The following DHX35 variants were observed in gnomAD, a reference collection of about 807,000 sequenced individuals.
The protein encoded by DHX35 is probable ATP-dependent RNA helicase DHX35.
DHX35 carries 84 observed loss-of-function variants against 99.6 expected under a neutral mutation model. The ratio of observed to expected loss-of-function variants is 0.84; its 90% CI spans 0.71 to 1.01. DHX35 has a LOEUF of 1.01. Among genes scored for constraint, DHX35 ranks in the 50% least tolerant of loss-of-function variants. The pLI is 0.00. For synonymous variants in DHX35, 331 were observed against 316.2 expected (o/e 1.05, Z -0.50); for missense variants, 852 against 888.5 (o/e 0.96, Z 0.52).
chr20:38,975,949 G>A (rs1007656541), intron 3 of DHX35, among the ~76,000 whole-genome samples: 1 of 152,164 alleles, frequency 6.6e-6, no homozygotes, highest in Non-Finnish European at 1.5e-5. Flanking sequence ...GGGATGGGTG[G>A]CAGGTATTTG....
At chr20:39,012,755 G>A (rs1390355753) in intron 13 of DHX35, among the ~76,000 whole-genome samples, 1 of 152,078 alleles carries the variant, frequency 6.6e-6, no homozygotes, top group East Asian at 1.9e-4. Context: ...GGTCTTGAAC[G>A]CCTGACCTCA....
intron 5 of DHX35, 39 bp downstream of exon 5, chr20:38,988,956 A>G: frequency 1.2e-6 from 2 of 1,601,248 alleles, no homozygotes; most frequent in East Asian, 2.3e-5. Flanking sequence ...GGAAATAAGG[A>G]AGAAGGTTAT....
At chr20:38,978,105 T>C (rs1196576686) in intron 3 of DHX35, 1 of 767,018 alleles carries the variant, frequency 1.3e-6, no homozygotes. Context: ...GCACTGGCCC[T>C]GAGCCACACT....
At chr20:39,020,058 GAC>G (rs1289594670) in intron 15 of DHX35, among the ~76,000 whole-genome samples, 12 of 152,174 alleles carry the variant, frequency 7.9e-5, no homozygotes, top group African/African-American at 2.7e-4. Flanking sequence ...TGTCATGAAT[GAC>G]AGTGTTCTCT....
intron 12 of DHX35, among the ~76,000 whole-genome samples, chr20:39,008,872 G>A (rs1397725748): frequency 6.6e-6 from 1 of 152,120 alleles, no homozygotes; most frequent in African/African-American, 2.4e-5. Context: ...AGCTTCCCTG[G>A]AGGCCTTCTT....
Position 38,994,395 on chromosome 20 carries a change from C to CT in DHX35, c.583-416dup, listed in dbSNP as rs1053236441. Among the ~76,000 whole-genome samples, 438 of 144,964 alleles carry CT rather than the reference C, an allele frequency of 3.0e-3. 1 individual carries two copies. Among genetic ancestry groups the CT allele is most frequent in the African/African-American group, 7.9e-3 (312 of 39,604 alleles). ...GAGTAACTGTTAATATCTTTTATCTCTTTTTTTTTTGCCATATTTCTGTCT... is the reference window on the plus strand; with the variant it reads ...GAGTAACTGTTAATATCTTTTATCTCTTTTTTTTTTTGCCATATTTCTGTCT... On this transcript the variant is annotated intron_variant, in intron 7 of 21. Transcript: ENST00000252011.
In DHX35 at chr20:39,022,678, A is replaced by T. The variant is rs540570945; in HGVS notation, c.1593+743A>T. On this transcript the variant is annotated intron_variant, in intron 16 of 21. Transcript: ENST00000252011. ...AAGAAGTCAGGTGCCAGGGTATAGCAGGCTGATTCTGGGCACCACACGACA... is the reference window on the plus strand; with the variant it reads ...AAGAAGTCAGGTGCCAGGGTATAGCTGGCTGATTCTGGGCACCACACGACA... Among the ~76,000 whole-genome samples the T allele has an allele frequency of 2.2e-4, 33 of 152,350 alleles. No homozygotes were observed. The South Asian group carries it at 5.8e-3, about 27-fold the overall frequency.
chr20:39,024,455 AG>A (rs1313556507), intron 17 of DHX35, among the ~76,000 whole-genome samples: 2 of 152,334 alleles, frequency 1.3e-5, no homozygotes, highest in East Asian at 3.9e-4. Context: ...CAGTGATTTG[AG>A]GAAGATTATT....
chr20:38,985,716 GT>G (rs1462147695), intron 4 of DHX35, among the ~76,000 whole-genome samples: 1 of 152,148 alleles, frequency 6.6e-6, no homozygotes, highest in Non-Finnish European at 1.5e-5. Context: ...CCTGTTTGTG[GT>G]TTGGAATCCC....
At chr20:39,038,418 G>C in intron 21 of DHX35, 81 bp from the exon 22 acceptor site, 2 of 1,441,494 alleles carry the variant, frequency 1.4e-6, no homozygotes, top group South Asian at 1.2e-5. Context: ...ATTTGATGTG[G>C]TCATTCATAT....
Position 38,962,355 on chromosome 20 carries a change from C to G in DHX35, c.-13C>G. On this transcript the variant is annotated 5_prime_UTR_variant, in exon 1 of 22. Coordinates refer to ENST00000252011, the MANE Select transcript of DHX35 (RefSeq NM_021931.4). ...GGTGGGGTGGAGCTAGCCTCGTGAC[C>G]TTTTACCCCAACATGGCTGCGCCCG... The G allele has an allele frequency of 6.2e-7, 1 of 1,611,834 alleles. No individual in the cohort carries two copies. Among genetic ancestry groups the G allele is most frequent in the Non-Finnish European group, 8.5e-7 (1 of 1,178,928 alleles).
intron 14 of DHX35, among the ~76,000 whole-genome samples, chr20:39,015,292 G>A (rs767417402): frequency 6.6e-5 from 10 of 152,210 alleles, no homozygotes; most frequent in African/African-American, 2.4e-4. Flanking sequence ...CTTAAAAATC[G>A]TGGCTCAGTA....
At chr20:39,020,246 G>C (rs548813605) in intron 15 of DHX35, among the ~76,000 whole-genome samples, 2 of 152,300 alleles carry the variant, frequency 1.3e-5, no homozygotes, top group South Asian at 2.1e-4. Flanking sequence ...ACCAGTTTCA[G>C]TTCCTTTGCA....
At chr20:39,035,528 C>T (rs897657037) in intron 21 of DHX35, among the ~76,000 whole-genome samples, 1 of 152,156 alleles carries the variant, frequency 6.6e-6, no homozygotes, top group African/African-American at 2.4e-5. Flanking sequence ...GTTTCCAAAG[C>T]GATATTTGAA....
chr20:38,982,791 T>C (rs2145857719), intron 3 of DHX35, among the ~76,000 whole-genome samples: 1 of 152,360 alleles, frequency 6.6e-6, no homozygotes, highest in East Asian at 1.9e-4. Flanking sequence ...ACATGTTCAT[T>C]GTAAAACTAT....
At chr20:38,963,680 G>C (rs1450234358) in intron 1 of DHX35, among the ~76,000 whole-genome samples, 1 of 152,214 alleles carries the variant, frequency 6.6e-6, no homozygotes, top group African/African-American at 2.4e-5. Context: ...GTTAAAGAAC[G>C]TGGAATTACT....
In DHX35 at chr20:39,023,589, G is replaced by A. The variant is rs957257323; in HGVS notation, c.1594-101G>A. Reference sequence around the variant, plus strand: ...GCTGGTCTCGAACTTCTGGGTTCAGGCAATCCTCCCACCTTAGCCTCACCA... The same window carrying A: ...GCTGGTCTCGAACTTCTGGGTTCAGACAATCCTCCCACCTTAGCCTCACCA... On this transcript the variant is annotated intron_variant, in intron 16 of 21. Transcript: ENST00000252011. The A allele has an allele frequency of 8.2e-6, 9 of 1,103,062 alleles. No homozygotes were observed. In the Admixed American group the frequency reaches 1.6e-4, roughly 20 times the overall value. 68.3% of individuals were successfully genotyped at this position (1,103,062 alleles called of 1,614,324 possible). A position where few individuals can be genotyped will look rare whatever the true frequency, so the allele number is the denominator to read the frequency against.
intron 5 of DHX35, among the ~76,000 whole-genome samples, chr20:38,991,064 C>T (rs1265238923): frequency 6.6e-6 from 1 of 152,178 alleles, no homozygotes. Flanking sequence ...TCAAGAACTG[C>T]AATCTATAGT....
At position 39,003,797 on chromosome 20, in the gene DHX35, C is replaced by G. The variant is rs538768767; in HGVS notation, c.901C>G (p.Leu301Val). 20 of 1,614,210 alleles carry G rather than the reference C, an allele frequency of 1.2e-5. No homozygotes were observed. Among genetic ancestry groups the G allele is most frequent in the Middle Eastern group, 1.6e-4 (1 of 6,062 alleles). ...GATGCTCATCGAGCAGGCTCGAGCACTAGCTCGCACTGGGATGAAGAGACA... is the reference window on the plus strand; with the variant it reads ...GATGCTCATCGAGCAGGCTCGAGCAGTAGCTCGCACTGGGATGAAGAGACA... ...VSMLIEQARA[L>V]ARTGMKRHLR... Residue 301 changes from leucine (L) to valine (V), a missense_variant, in exon 11 of 22, where the codon CTA (leucine) becomes GTA (valine). By Grantham distance (32) the Leu-to-Val change is conservative. Transcript: ENST00000252011.
Sources: allele counts gnomAD v4.1 joint callset (sites outside exome capture counted in the v4.1 genomes callset), GRCh38; gene constraint gnomAD v4.1.1; transcripts MANE v1.5; gene names NCBI Gene and HGNC (gene_info 2026-07-23, HGNC 2026-07-21).